The following FAT4 variants were observed in gnomAD, a reference collection of about 807,000 sequenced individuals.
FAT4 encodes the protein FAT atypical cadherin 4.
A neutral mutation model predicts 303.9 loss-of-function variants in FAT4; 84 were observed. That is an observed-to-expected ratio of 0.28 (90% confidence interval 0.23 to 0.33). The LOEUF (loss-of-function observed/expected upper bound fraction) is 0.33. FAT4 is among the 10% of genes least tolerant of loss of function. The pLI is 1.00. For missense variants in FAT4, 6,005 were observed against 6,146.8 expected (o/e 0.98, Z 0.77); for synonymous variants, 2,307 against 2,298.8 (o/e 1.00, Z -0.10).
At position 125,319,287 on chromosome 4, in the gene FAT4, C is replaced by A. The variant is rs1730812388; in HGVS notation, c.2876C>A (p.Ala959Asp). 6.2e-7 allele frequency: 1 copy of A among 1,614,024 alleles called. No individual in the cohort carries two copies. Among genetic ancestry groups the A allele is most frequent in the African/African-American group, 1.3e-5 (1 of 74,924 alleles). ...ISLLGPLDVH[A>D]GSYQIEILAS... The stretch of plus-strand genomic sequence containing the variant: ...CTGCTTGGGCCCCTGGATGTTCATG[C>A]TGGCTCCTACCAAATAGAGATCTTG... The change falls in exon 2 of 18, where the codon GCT (alanine) becomes GAT (aspartate). Residue 959 changes from alanine (A) to aspartate (D), a missense_variant. Physicochemically the swap from Ala to Asp is moderately radical, Grantham distance 126. Coordinates refer to ENST00000394329, the MANE Select transcript of FAT4 (RefSeq NM_001291303.3).
In FAT4 at chr4:125,487,352, A is replaced by G; in HGVS notation, c.12830A>G (p.Asn4277Ser). The G allele has an allele frequency of 1.2e-6, 2 of 1,610,584 alleles. No homozygotes were observed. Among genetic ancestry groups the G allele is most frequent in the Non-Finnish European group, 8.5e-7 (1 of 1,177,254 alleles). ...TTTTAATATGTTTTACAGATTAAGAATGGCAAAGTATATTTTACATCCGAT... is the reference window on the plus strand; with the variant it reads ...TTTTAATATGTTTTACAGATTAAGAGTGGCAAAGTATATTTTACATCCGAT... ...SSNYTTVKIK[N>S]GKVYFTSDAG... The change falls in exon 17 of 18, where the codon AAT (asparagine) becomes AGT (serine). Residue 4277 changes from asparagine (N) to serine (S), a missense_variant. Transcript: ENST00000394329.
chr4:125,430,160 A>C (rs1434255645), intron 7 of FAT4, among the ~76,000 whole-genome samples: 1 of 480 alleles, frequency 2.1e-3, no homozygotes, highest in East Asian at 0.5. Context: ...TAAAGTATAA[A>C]AAAAAAAAAA....
chr4:125,315,034 G>A lies in FAT4; in HGVS notation c.-956G>A, dbSNP rs1730490598. Among the ~76,000 whole-genome samples the A allele has an allele frequency of 6.6e-6, 1 of 152,160 alleles. No homozygotes were observed. Among genetic ancestry groups the A allele is most frequent in the Non-Finnish European group, 1.5e-5 (1 of 68,034 alleles). On this transcript the variant is annotated 5_prime_UTR_variant, in exon 1 of 18. Coordinates refer to ENST00000394329, the MANE Select transcript of FAT4 (RefSeq NM_001291303.3). ...AGCTCGCGGTCTTCCCTCCCCCTCT[G>A]TTTGTGTTTCGGCGACGCGCTGTGT...
intron 8 of FAT4, among the ~76,000 whole-genome samples, chr4:125,437,789 A>G (rs1354549990): frequency 2.0e-5 from 3 of 152,220 alleles, no homozygotes; most frequent in African/African-American, 7.2e-5. Flanking sequence ...TGTGGAATTG[A>G]ATCCTGACTC....
At chr4:125,478,203 G>C (rs1727100559) in intron 14 of FAT4, among the ~76,000 whole-genome samples, 1 of 152,106 alleles carries the variant, frequency 6.6e-6, no homozygotes. Context: ...TGTAACTTAA[G>C]TATTTTAATA....
chr4:125,478,922 A>T (rs13115766), intron 14 of FAT4, among the ~76,000 whole-genome samples: 34,754 of 151,910 alleles, frequency 0.23, 4,136 homozygotes, highest in Admixed American at 0.25. Context: ...CAAAGCCAAA[A>T]TCCTGACCCT....
chr4:125,419,439 T>A (rs1021367700), intron 7 of FAT4, among the ~76,000 whole-genome samples: 1 of 152,192 alleles, frequency 6.6e-6, no homozygotes, highest in East Asian at 1.9e-4. Flanking sequence ...CCACTTTTCT[T>A]TACCTCCAAA....
At chr4:125,381,290 T>A (rs1481787087) in intron 2 of FAT4, among the ~76,000 whole-genome samples, 1 of 152,220 alleles carries the variant, frequency 6.6e-6, no homozygotes, top group African/African-American at 2.4e-5. Flanking sequence ...GCCCATAGGC[T>A]GTGGTTATAT....
In FAT4 at chr4:125,450,864, C is replaced by G. The variant is rs1376175436; in HGVS notation, c.9854C>G (p.Thr3285Ser). 6.2e-7 allele frequency: 1 copy of G among 1,614,128 alleles called. No homozygotes were observed. The highest frequency in any genetic ancestry group is 2.2e-5 in the East Asian group (1 of 44,856). The change falls in exon 10 of 18, where the codon ACT becomes AGT. Residue 3285 changes from threonine to serine, a missense_variant. By Grantham distance (58) the Thr-to-Ser change is moderately conservative. Coordinates refer to ENST00000394329, the MANE Select transcript of FAT4 (RefSeq NM_001291303.3). ...VPDEERCSFA[T>S]VNIQLKGTNE... ...GATGAGGAAAGGTGTAGCTTTGCCA[C>G]TGTTAATATACAATTAAAAGGGACA...
At chr4:125,466,219 G>A (rs944853441) in intron 11 of FAT4, among the ~76,000 whole-genome samples, 2 of 151,950 alleles carry the variant, frequency 1.3e-5, no homozygotes, top group African/African-American at 4.8e-5. Flanking sequence ...ATTAAGATGC[G>A]ACCTTTCTGT....
rs1260996050 is a variant in FAT4 at position 125,450,149 on chromosome 4, T to G, written c.9139T>G (p.Ser3047Ala). The change falls in exon 10 of 18, where the codon TCC becomes GCC. Residue 3047 changes from serine (S) to alanine (A), a missense_variant. By Grantham distance (99) the Ser-to-Ala change is moderately conservative. Coordinates refer to ENST00000394329, the MANE Select transcript of FAT4 (RefSeq NM_001291303.3). ...DNDTGWISVA[S>A]SLISDLNQNF... ...TGATACGGGGTGGATTTCAGTAGCA[T>G]CCTCCCTGATTTCTGACTTGAACCA... 11 of 1,613,598 alleles carry G rather than the reference T, an allele frequency of 6.8e-6. No homozygotes were observed. Among genetic ancestry groups the G allele is most frequent in the Non-Finnish European group, 9.3e-6 (11 of 1,179,972 alleles).
Position 125,390,399 on chromosome 4 carries a change from G to A in FAT4, c.5176-8385G>A, listed in dbSNP as rs373875726. Among the ~76,000 whole-genome samples, 78 of 152,122 alleles carry A rather than the reference G, an allele frequency of 5.1e-4. 1 individual carries two copies. The highest frequency in any genetic ancestry group is 1.7e-3 in the African/African-American group (70 of 41,426). On this transcript the variant is annotated intron_variant, in intron 2 of 17. Transcript: ENST00000394329. ...GAAAGGTGGAGTTTTCCTTTTCAGG[G>A]CCAAAGGAAGCAACAGCTGAGGCGT... is the stretch of plus-strand genomic sequence containing the variant.
intron 2 of FAT4, among the ~76,000 whole-genome samples, chr4:125,332,984 A>G (rs1023886006): frequency 6.6e-6 from 1 of 151,776 alleles, no homozygotes; most frequent in Admixed American, 6.6e-5. Flanking sequence ...TAAAATACTT[A>G]CTCTTATTTT....
intron 12 of FAT4, among the ~76,000 whole-genome samples, chr4:125,473,866 A>T (rs1220058280): frequency 2.6e-5 from 4 of 152,000 alleles, no homozygotes; most frequent in Non-Finnish European, 4.4e-5. Flanking sequence ...TGTCATTATT[A>T]CTTGAGTCAT....
Position 125,450,098 on chromosome 4 carries a change from C to A in FAT4, c.9088C>A (p.His3030Asn), listed in dbSNP as rs1725995796. Reference protein sequence around the residue: ...EVEYFISNDNHLGKFKLDNDT... With the variant: ...EVEYFISNDNNLGKFKLDNDT... ...GGAGTATTTCATTTCTAATGATAAC[C>A]ATTTAGGAAAATTTAAGTTGGACAA... Residue 3030 changes from histidine to asparagine, a missense_variant, in exon 10 of 18, where the codon CAT (histidine) becomes AAT (asparagine). By Grantham distance (68) the His-to-Asn change is moderately conservative. Coordinates refer to ENST00000394329, the MANE Select transcript of FAT4 (RefSeq NM_001291303.3). The A allele has an allele frequency of 3.1e-6, 5 of 1,613,724 alleles. No individual in the cohort carries two copies. The highest frequency in any genetic ancestry group is 4.2e-6 in the Non-Finnish European group (5 of 1,179,902).
intron 2 of FAT4, among the ~76,000 whole-genome samples, chr4:125,377,172 AC>A (rs1733362002): frequency 6.6e-6 from 1 of 152,130 alleles, no homozygotes; most frequent in Non-Finnish European, 1.5e-5. Flanking sequence ...AATTACAGGC[AC>A]AAATTACCAA....
At position 125,435,778 on chromosome 4, in the gene FAT4, C is replaced by G. The variant is rs1725429995; in HGVS notation, c.7199+1353C>G. Among the ~76,000 whole-genome samples the G allele has an allele frequency of 2.6e-5, 4 of 152,034 alleles. No homozygotes were observed. The South Asian group carries it at 8.3e-4, about 32-fold the overall frequency. On this transcript the variant is annotated intron_variant, in intron 8 of 17. Transcript: ENST00000394329. Reference sequence around the variant, plus strand: ...GTCACGATACAGAATTGGGGTTTTCCAATTTACCTTTAGGTGAGAAACTAC... The same window carrying G: ...GTCACGATACAGAATTGGGGTTTTCGAATTTACCTTTAGGTGAGAAACTAC...
chr4:125,342,556 T>C (rs1463074121), intron 2 of FAT4, among the ~76,000 whole-genome samples: 1 of 152,028 alleles, frequency 6.6e-6, no homozygotes, highest in Non-Finnish European at 1.5e-5. Context: ...AAACTTAAAC[T>C]GATTAAAGCT....
Position 125,320,283 on chromosome 4 carries a change from G to A in FAT4, c.3872G>A (p.Gly1291Glu), listed in dbSNP as rs760921153. The A allele has an allele frequency of 2.5e-6, 4 of 1,613,980 alleles. No homozygotes were observed. Among genetic ancestry groups the A allele is most frequent in the Non-Finnish European group, 2.5e-6 (3 of 1,179,946 alleles). The change falls in exon 2 of 18, where the codon GGG becomes GAG. Residue 1291 changes from glycine (G) to glutamate (E), a missense_variant. Physicochemically the swap from Gly to Glu is moderately conservative, Grantham distance 98. Transcript: ENST00000394329. ...CTTGTAATTCAAGCAGTGGATTCAG[G>A]GACAATCCCCCTCAATTCAACGTGT... is the stretch of plus-strand genomic sequence containing the variant. ...YSLVIQAVDSGTIPLNSTCTL... is the reference protein window; with the variant it reads ...YSLVIQAVDSETIPLNSTCTL...
Sources: gnomAD v4.1 joint callset for allele counts (sites outside exome capture counted in the v4.1 genomes callset) on GRCh38, gnomAD v4.1.1 for gene constraint, MANE v1.5 for transcripts, NCBI Gene and HGNC (gene_info 2026-07-23, HGNC 2026-07-21) for gene names.